Variants in BCAR3 observed in about 807,000 individuals in gnomAD.
BCAR3 encodes the protein BCAR3 adaptor protein, NSP family member, also known as breast cancer anti-estrogen resistance protein 3.
In BCAR3, 37 loss-of-function variants were observed where a neutral mutation model predicts 80.1. The ratio of observed to expected loss-of-function variants is 0.46; its 90% confidence interval spans 0.36 to 0.61. The LOEUF (loss-of-function observed/expected upper bound fraction) is 0.61. Among genes scored for constraint, BCAR3 ranks in the 20% least tolerant of loss-of-function variants. BCAR3 has a pLI of 0.00. For synonymous variants in BCAR3, 389 were observed against 418.9 expected (o/e 0.93, Z 0.87); for missense variants, 978 against 1,068.2 (o/e 0.92, Z 1.18).
intron 3 of BCAR3, among the ~76,000 whole-genome samples, chr1:93,629,683 G>A (rs1025731595): frequency 1.3e-5 from 2 of 152,214 alleles, no homozygotes; most frequent in Non-Finnish European, 2.9e-5. Context: ...AACAGCAAAT[G>A]ATTCTAAAGC....
rs763870383 is a variant in BCAR3 at position 93,589,134 on chromosome 1, G to A, written c.772C>T (p.Pro258Ser). 9.9e-6 allele frequency: 16 copies of A among 1,613,468 alleles called. No homozygotes were observed. Among genetic ancestry groups the A allele is most frequent in the Middle Eastern group, 1.7e-4 (1 of 6,022 alleles). The change falls in exon 5 of 12, where the codon CCT becomes TCT. Residue 258 changes from proline (P) to serine (S), a missense_variant. Physicochemically the swap from Pro to Ser is moderately conservative, Grantham distance 74 (BLOSUM62 -1). Transcript: ENST00000260502. ...TAATGCTCCTCCAGGCACCGCAGAG[G>A]CACCGTCCTGTTGATGGGCTGGAAG... is the stretch of plus-strand genomic sequence containing the variant. Reference protein sequence around the residue: ...IIFQPINRTVPLRCLEEHYGT... With the variant: ...IIFQPINRTVSLRCLEEHYGT...
intron 2 of BCAR3, among the ~76,000 whole-genome samples, chr1:93,732,554 T>A (rs1650825727): frequency 6.6e-6 from 1 of 151,808 alleles, no homozygotes; most frequent in Non-Finnish European, 1.5e-5. Flanking sequence ...GAGGCAGAGG[T>A]TGCAGTGAGC....
At chr1:93,811,794 GGAGTGTGC>G (rs1653854070) in intron 2 of BCAR3, among the ~76,000 whole-genome samples, 1 of 152,186 alleles carries the variant, frequency 6.6e-6, no homozygotes, top group South Asian at 2.1e-4. Flanking sequence ...TCTACATTCT[GGAGTGTGC>G]TAGAAACAGC....
At chr1:93,740,136 A>T (rs1651127549) in intron 2 of BCAR3, among the ~76,000 whole-genome samples, 1 of 152,204 alleles carries the variant, frequency 6.6e-6, no homozygotes, top group African/African-American at 2.4e-5. Context: ...AGGCATTTTC[A>T]TCTGGGGAGA....
intron 2 of BCAR3, among the ~76,000 whole-genome samples, chr1:93,825,295 C>T (rs1654339030): frequency 7.5e-6 from 1 of 133,318 alleles, no homozygotes; most frequent in African/African-American, 2.5e-5. Flanking sequence ...CAGCTATCCA[C>T]CTGAAGTGCA....
At chr1:93,615,072 C>T (rs945045021) in intron 3 of BCAR3, among the ~76,000 whole-genome samples, 1 of 150,884 alleles carries the variant, frequency 6.6e-6, no homozygotes, top group South Asian at 2.1e-4. Context: ...CCTATCCTAC[C>T]GCTCCAAATA....
chr1:93,713,434 A>G (rs1347457122), intron 2 of BCAR3, among the ~76,000 whole-genome samples: 1 of 152,184 alleles, frequency 6.6e-6, no homozygotes, highest in Non-Finnish European at 1.5e-5. Flanking sequence ...CAATCACCAA[A>G]TTCCTGGTGA....
Position 93,582,343 on chromosome 1 carries a change from G to A in BCAR3, c.1644C>T (p.Asp548=), listed in dbSNP as rs759314476. Residue 548 remains aspartate, a synonymous_variant, in exon 7 of 12, where the codon GAC becomes GAT. Coordinates refer to ENST00000260502, the MANE Select transcript of BCAR3 (RefSeq NM_003567.4). ...KRAKELFTNN[D]PKVIAQHVLS... ...GTACGTGCTGGGCGATGACCTTGGGGTCGTTGTTGGTGAACAGTTCTTTTG... is the reference window on the plus strand; with the variant it reads ...GTACGTGCTGGGCGATGACCTTGGGATCGTTGTTGGTGAACAGTTCTTTTG... The A allele has an allele frequency of 6.2e-7, 1 of 1,614,214 alleles. No individual in the cohort carries two copies.
chr1:93,578,223 C>T (rs1042209702), intron 7 of BCAR3, among the ~76,000 whole-genome samples: 5 of 152,140 alleles, frequency 3.3e-5, no homozygotes, highest in Non-Finnish European at 7.3e-5. Context: ...TGATGGGGTC[C>T]CGGCCCAGCC....
chr1:93,659,437 C>T (rs903440826), intron 2 of BCAR3, among the ~76,000 whole-genome samples: 5 of 151,996 alleles, frequency 3.3e-5, no homozygotes, highest in Admixed American at 1.3e-4. Flanking sequence ...AAGCAATCCT[C>T]CCTGCTCAGC....
intron 2 of BCAR3, among the ~76,000 whole-genome samples, chr1:93,768,092 G>A (rs1652218123): frequency 1.3e-5 from 2 of 152,182 alleles, no homozygotes; most frequent in South Asian, 2.1e-4. Flanking sequence ...TCAATGTGAC[G>A]TGCTGGGACT....
At chr1:93,683,707 T>G (rs182871846), upstream of BCAR3, among the ~76,000 whole-genome samples, 172 of 152,364 alleles carry the variant, frequency 1.1e-3, 1 homozygote, top group South Asian at 1.9e-3. Flanking sequence ...TGATTCCATT[T>G]ACATAAACTT....
rs559584142 is a variant in BCAR3 at position 93,747,608 on chromosome 1, C to T, written c.-62-41466G>A. 1.4e-4 allele frequency among the ~76,000 whole-genome samples: 21 copies of T among 151,762 alleles called. No homozygotes were observed. The South Asian group carries it at 4.1e-3, about 30-fold the overall frequency. ...TTAGTGCTCACCTGCCCTATCAAAACAGCCTCCTAGTGAGTTTCCCTGCCT... is the reference window on the plus strand; with the variant it reads ...TTAGTGCTCACCTGCCCTATCAAAATAGCCTCCTAGTGAGTTTCCCTGCCT... On this transcript the variant is annotated intron_variant, in intron 2 of 13. Coordinates refer to the BCAR3 transcript ENST00000370244.
chr1:93,762,889 C>T (rs1652003188), intron 2 of BCAR3, among the ~76,000 whole-genome samples: 1 of 152,160 alleles, frequency 6.6e-6, no homozygotes, highest in South Asian at 2.1e-4. Context: ...AATCTCCTCT[C>T]TTCTCTCCAC....
At chr1:93,722,861 G>A (rs893895790) in intron 2 of BCAR3, among the ~76,000 whole-genome samples, 3 of 152,150 alleles carry the variant, frequency 2.0e-5, no homozygotes, top group African/African-American at 7.2e-5. Context: ...TCACACACAA[G>A]AGCGACAGGA....
intron 2 of BCAR3, among the ~76,000 whole-genome samples, chr1:93,671,979 C>T (rs1648222319): frequency 6.6e-6 from 1 of 152,006 alleles, no homozygotes; most frequent in African/African-American, 2.4e-5. Flanking sequence ...TGCCTTCTCA[C>T]TCAGCACAAT....
chr1:93,820,627 C>A (rs1358119981), intron 2 of BCAR3, among the ~76,000 whole-genome samples: 3 of 152,140 alleles, frequency 2.0e-5, no homozygotes, highest in Non-Finnish European at 2.9e-5. Context: ...TGGGCATTTG[C>A]CTTCCTGACA....
intron 2 of BCAR3, among the ~76,000 whole-genome samples, chr1:93,745,112 C>T (rs1416607400): frequency 6.6e-6 from 1 of 152,256 alleles, no homozygotes; most frequent in Non-Finnish European, 1.5e-5. Context: ...GACAAACAGA[C>T]TCTTTCAAAG....
chr1:93,673,401 G>A (rs1216303459), intron 2 of BCAR3, among the ~76,000 whole-genome samples: 1 of 152,224 alleles, frequency 6.6e-6, no homozygotes, highest in East Asian at 1.9e-4. Flanking sequence ...AATCAGGACT[G>A]AGCAGAATTT....
Sources: allele counts gnomAD v4.1 joint callset (sites outside exome capture counted in the v4.1 genomes callset), GRCh38; gene constraint gnomAD v4.1.1; transcripts MANE v1.5; gene names NCBI Gene and HGNC (gene_info 2026-07-23, HGNC 2026-07-21).